The following DIP2C variants were observed in gnomAD, a reference collection of about 807,000 sequenced individuals.
DIP2C encodes disco-interacting protein 2 homolog C.
DIP2C carries 33 observed loss-of-function variants against 192.4 expected under a neutral mutation model. The ratio of observed to expected loss-of-function variants is 0.17; its 90% confidence interval spans 0.13 to 0.23. The LOEUF is 0.23. Among genes scored for constraint, DIP2C ranks in the 10% least tolerant of loss-of-function variants. The pLI is 1.00. For missense variants in DIP2C, 1,537 were observed against 2,110.1 expected, an observed-to-expected ratio of 0.73 and a Z score of 5.32; for synonymous variants, 979 against 864.1, an observed-to-expected ratio of 1.13 and a Z score of -2.33.
chr10:414,095 G>C lies in DIP2C; in HGVS notation c.875C>G (p.Pro292Arg). The C allele has an allele frequency of 6.2e-7, 1 of 1,612,224 alleles. No individual in the cohort carries two copies. Among genetic ancestry groups the C allele is most frequent in the Non-Finnish European group, 8.5e-7 (1 of 1,178,484 alleles). Residue 292 changes from proline to arginine, a missense_variant, in exon 8 of 37, where the codon CCG becomes CGG. By Grantham distance (103) the Pro-to-Arg change is moderately radical. This residue lies in a region of DIP2C where 473 missense variants were observed against 539.6 expected (regional missense o/e 0.88). Transcript: ENST00000280886. ...EELLEVQQPD[P>R]NQPKPEGAQM... Reference sequence around the variant, plus strand: ...GGCCCCCTCCGGCTTTGGTTGGTTCGGATCCGGTTGTTGAACTAAATCGTT... The same window carrying C: ...GGCCCCCTCCGGCTTTGGTTGGTTCCGATCCGGTTGTTGAACTAAATCGTT...
intron 1 of DIP2C, among the ~76,000 whole-genome samples, chr10:672,146 G>A (rs559814268): frequency 6.6e-6 from 1 of 151,694 alleles, no homozygotes; most frequent in African/African-American, 2.4e-5. Context: ...CATGGACGGA[G>A]GAAACAGGCC....
intron 1 of DIP2C, among the ~76,000 whole-genome samples, chr10:654,621 A>G (rs534745205): frequency 6.6e-6 from 1 of 152,184 alleles, no homozygotes; most frequent in Non-Finnish European, 1.5e-5. Context: ...ACCAAAGAGG[A>G]CCATCAAATG....
Position 651,485 on chromosome 10 carries a change from C to A in DIP2C, c.85+38009G>T. 1.7e-6 allele frequency: 1 copy of A among 604,178 alleles called. No homozygotes were observed. The highest frequency in any genetic ancestry group is 3.0e-6 in the Non-Finnish European group (1 of 330,804). The allele number at this position is 604,178 out of a possible 1,614,324, so 37.4% of individuals were successfully genotyped here. ...TAGTAGAATGTATGAGTAACAATTA[C>A]AATTATATGAAAATCCGTATCCACG... On this transcript the variant is annotated intron_variant, in intron 1 of 36. Coordinates refer to ENST00000280886, the MANE Select transcript of DIP2C (RefSeq NM_014974.3). The surrounding 1 kb of genome is among the most constrained non-coding windows in gnomAD (Gnocchi z 4.1).
chr10:596,654 C>T (rs776135044), intron 1 of DIP2C, among the ~76,000 whole-genome samples: 3 of 151,940 alleles, frequency 2.0e-5, no homozygotes, highest in Non-Finnish European at 2.9e-5. Context: ...TGACAGAAGG[C>T]TGCACCCCAA....
chr10:363,917 G>A lies in DIP2C; in HGVS notation c.2477+457C>T, dbSNP rs975908261. ...AGATTGGCAAAAACTCAGGAACCGT[G>A]GCAACTTATTTCATCACGGAGCCTC... On this transcript the variant is annotated intron_variant, in intron 20 of 36. Coordinates refer to ENST00000280886, the MANE Select transcript of DIP2C (RefSeq NM_014974.3). This position sits in a 1 kb window ranked among gnomAD's most constrained non-coding sequence, Gnocchi z 5.4. Among the ~76,000 whole-genome samples, 4 of 152,120 alleles carry A rather than the reference G, an allele frequency of 2.6e-5. No individual in the cohort carries two copies. The highest frequency in any genetic ancestry group is 9.7e-5 in the African/African-American group (4 of 41,418).
chr10:502,434 G>T (rs998953233), intron 1 of DIP2C, among the ~76,000 whole-genome samples: 1 of 152,142 alleles, frequency 6.6e-6, no homozygotes, highest in Non-Finnish European at 1.5e-5. Context: ...CTCATAGGAC[G>T]AAAGGCTCAT....
At chr10:387,887 T>C (rs993812632) in intron 13 of DIP2C, 78 bp from the exon 14 acceptor site, 22 of 1,385,798 alleles carry the variant, frequency 1.6e-5, no homozygotes, top group South Asian at 1.4e-4. Flanking sequence ...AAATCCAATA[T>C]TGCATCAGGG....
chr10:619,545 T>G (rs922652721), intron 1 of DIP2C, among the ~76,000 whole-genome samples: 9 of 15,868 alleles, frequency 5.7e-4, no homozygotes, highest in African/African-American at 1.6e-3. Flanking sequence ...CCGCCCGCCC[T>G]CCCACCCAGC....
intron 29 of DIP2C, among the ~76,000 whole-genome samples, chr10:339,556 G>A (rs969825029): frequency 6.6e-5 from 10 of 152,152 alleles, no homozygotes; most frequent in South Asian, 2.1e-4. Flanking sequence ...GGCTTCCATC[G>A]GCTGGCTTCA....
intron 1 of DIP2C, among the ~76,000 whole-genome samples, chr10:640,701 G>A (rs1239720044): frequency 1.6e-5 from 2 of 128,196 alleles, no homozygotes; most frequent in African/African-American, 3.7e-5. Flanking sequence ...AAGAGGCTGC[G>A]CGCGGGGAAG....
rs772588723 is a variant in DIP2C at position 650,835 on chromosome 10, C to G, written c.85+38659G>C. 9.5e-5 allele frequency: 68 copies of G among 713,602 alleles called. No homozygotes were observed. The African/African-American group carries it at 1.0e-3, about 10-fold the overall frequency. 44.2% of individuals were successfully genotyped at this position (713,602 alleles called of 1,614,324 possible). ...AACCCAGATGTCCTCAGTTCTGCCT[C>G]AGCCCCCACTTGTGAGAGGTCCGTG... is the stretch of plus-strand genomic sequence containing the variant. On this transcript the variant is annotated intron_variant, in intron 1 of 36. Coordinates refer to ENST00000280886, the MANE Select transcript of DIP2C (RefSeq NM_014974.3).
At chr10:678,121 C>T (rs908103043) in intron 1 of DIP2C, among the ~76,000 whole-genome samples, 2 of 152,204 alleles carry the variant, frequency 1.3e-5, no homozygotes, top group African/African-American at 2.4e-5. Context: ...TCATCATCCC[C>T]GAGCAGTGGG....
At chr10:463,306 G>A (rs965588752) in intron 3 of DIP2C, among the ~76,000 whole-genome samples, 1 of 152,126 alleles carries the variant, frequency 6.6e-6, no homozygotes, top group African/African-American at 2.4e-5. Context: ...CAAAGTCTCA[G>A]GATACAAAAT....
At chr10:377,141 G>GTTTTT (rs5782549) in intron 17 of DIP2C, among the ~76,000 whole-genome samples, 1 of 138,648 alleles carries the variant, frequency 7.2e-6, no homozygotes, top group Non-Finnish European at 1.6e-5. Context: ...GTGCAGCGCA[G>GTTTTT]TTTTTTTTTT....
At chr10:682,288 G>T (rs376490216) in intron 1 of DIP2C, among the ~76,000 whole-genome samples, 229 of 152,314 alleles carry the variant, frequency 1.5e-3, no homozygotes, top group South Asian at 3.9e-3. Flanking sequence ...CCCCAGGGGA[G>T]CCCCAAGTGC....
At chr10:294,962 C>A (rs376618258) in intron 32 of DIP2C, among the ~76,000 whole-genome samples, 1 of 152,052 alleles carries the variant, frequency 6.6e-6, no homozygotes, top group African/African-American at 2.4e-5. Flanking sequence ...AACAACTCAA[C>A]AGCAAAGAAA....
At chr10:341,465 G>A (rs1958143466) in intron 28 of DIP2C, 136 bp from the exon 29 acceptor site, 1 of 1,316,342 alleles carries the variant, frequency 7.6e-7, no homozygotes, top group African/African-American at 1.4e-5. Context: ...GGACAATACG[G>A]GGCTGCACTG....
At chr10:317,777 A>T (rs1589459943) in intron 31 of DIP2C, among the ~76,000 whole-genome samples, 5 of 152,326 alleles carry the variant, frequency 3.3e-5, no homozygotes, top group Admixed American at 3.3e-4. Context: ...CACCTTGCAG[A>T]TCCAACATGA....
intron 1 of DIP2C, among the ~76,000 whole-genome samples, chr10:524,114 C>A (rs937431441): frequency 1.3e-5 from 2 of 152,188 alleles, no homozygotes; most frequent in Non-Finnish European, 2.9e-5. Flanking sequence ...AGGAAGGAGT[C>A]CCTGGCTCCA....
Sources: allele counts gnomAD v4.1 joint callset (sites outside exome capture counted in the v4.1 genomes callset), GRCh38; gene constraint gnomAD v4.1.1; regional missense constraint gnomAD v4.1.1; non-coding constraint Gnocchi (gnomAD v3.1); transcripts MANE v1.5; gene names NCBI Gene and HGNC (gene_info 2026-07-23, HGNC 2026-07-21).